The following FBXL13 variants were observed in gnomAD, a reference collection of about 807,000 sequenced individuals.
FBXL13 encodes the protein F-box and leucine-rich repeat protein 13.
Under a neutral mutation model 83.6 loss-of-function variants are expected in FBXL13, and 67 were observed. The observed-to-expected ratio is 0.80, with a 90% confidence interval of 0.66 to 0.98. The LOEUF (loss-of-function observed/expected upper bound fraction) is 0.98. Among genes scored for constraint, FBXL13 ranks in the 50% least tolerant of loss-of-function variants. The pLI, the probability that FBXL13 is intolerant of heterozygous loss-of-function variation, is 0.00. For missense variants in FBXL13, 822 were observed against 866.5 expected (o/e 0.95, Z 0.64); for synonymous variants, 272 against 299.5 (o/e 0.91, Z 0.95).
chr7:102,996,135 G>A (rs1789759261), intron 6 of FBXL13, among the ~76,000 whole-genome samples: 1 of 152,132 alleles, frequency 6.6e-6, no homozygotes, highest in South Asian at 2.1e-4. Context: ...CCTGAGCCTG[G>A]ACTTTTAATC....
intron 16 of FBXL13, among the ~76,000 whole-genome samples, chr7:102,856,078 G>A (rs1204102989): frequency 6.6e-6 from 1 of 152,082 alleles, no homozygotes; most frequent in Non-Finnish European, 1.5e-5. Context: ...TGTGCCATAA[G>A]TTTTTATTTG....
At chr7:102,967,266 CTTTCTT>C (rs1209162883) in intron 7 of FBXL13, among the ~76,000 whole-genome samples, 2 of 56,182 alleles carry the variant, frequency 3.6e-5, no homozygotes, top group African/African-American at 1.0e-4. Context: ...CCAATCCTCT[CTTTCTT>C]TTTTTTTTTT....
At chr7:102,973,701 G>A (rs1303573227) in intron 6 of FBXL13, 3 of 766,228 alleles carry the variant, frequency 3.9e-6, no homozygotes, top group Admixed American at 1.7e-5. Flanking sequence ...CACAGCAGCC[G>A]GACAAAGGAA....
intron 2 of FBXL13, among the ~76,000 whole-genome samples, chr7:103,030,854 C>G (rs796946379): frequency 6.6e-6 from 1 of 151,884 alleles, no homozygotes; most frequent in Non-Finnish European, 1.5e-5. Flanking sequence ...TTATAATACA[C>G]CAGAATTTTT....
Position 103,025,418 on chromosome 7 carries a change from C to T in FBXL13, c.328-188G>A, listed in dbSNP as rs527944017. ...TGTTCTCTAAACCACCGAAGTATTA[C>T]AGATCATTTCCATTAGTTGTCATAA... On this transcript the variant is annotated intron_variant, in intron 5 of 19. Transcript: ENST00000313221. Among the ~76,000 whole-genome samples, 529 of 152,282 alleles carry T rather than the reference C, an allele frequency of 3.5e-3. 5 individuals are homozygous for T. Among genetic ancestry groups the T allele is most frequent in the South Asian group, 0.017 (81 of 4,826 alleles).
chr7:102,935,242 C>CTTTTT (rs71106700), intron 8 of FBXL13, among the ~76,000 whole-genome samples: 18 of 76,404 alleles, frequency 2.4e-4, no homozygotes, highest in African/African-American at 8.1e-4. Context: ...TTTTTTCTTT[C>CTTTTT]TTTTTTTTTT....
At chr7:102,904,964 G>C (rs986649442) in intron 11 of FBXL13, among the ~76,000 whole-genome samples, 1 of 152,040 alleles carries the variant, frequency 6.6e-6, no homozygotes, top group Non-Finnish European at 1.5e-5. Flanking sequence ...TTCCATTGTA[G>C]TCAGAGAGGA....
chr7:103,011,765 C>T (rs12533076), intron 6 of FBXL13, among the ~76,000 whole-genome samples: 7,534 of 151,872 alleles, frequency 0.05, 279 homozygotes, highest in East Asian at 0.22. Flanking sequence ...AAAACTGGCT[C>T]TCCTAAATAA....
At chr7:102,944,485 A>T in intron 8 of FBXL13, 1 of 1,614,112 alleles carries the variant, frequency 6.2e-7, no homozygotes, top group Non-Finnish European at 8.5e-7. Context: ...AGAATGCCCC[A>T]AAGACAAGTT....
chr7:102,836,345 A>T (rs1043323517), intron 17 of FBXL13, among the ~76,000 whole-genome samples: 20 of 152,344 alleles, frequency 1.3e-4, no homozygotes, highest in Middle Eastern at 3.4e-3. Context: ...CCTCTCTTAG[A>T]ATTCGTGTTT....
chr7:102,931,633 T>A (rs1313249942), intron 9 of FBXL13, among the ~76,000 whole-genome samples: 1 of 152,172 alleles, frequency 6.6e-6, no homozygotes, highest in Non-Finnish European at 1.5e-5. Flanking sequence ...TAAATATAAA[T>A]ACAGTTCATT....
intron 9 of FBXL13, among the ~76,000 whole-genome samples, chr7:102,929,645 CAG>C (rs1350000983): frequency 9.1e-6 from 1 of 109,928 alleles, no homozygotes; most frequent in Non-Finnish European, 1.7e-5. Flanking sequence ...GCCTGGGCAA[CAG>C]AGTGAGACTC....
chr7:103,064,588 T>C (rs1321708322), intron 1 of FBXL13, among the ~76,000 whole-genome samples: 1 of 152,242 alleles, frequency 6.6e-6, no homozygotes, highest in Non-Finnish European at 1.5e-5. Context: ...TCCCCTTATA[T>C]GAACAAGCCA....
rs114680239 is a variant in FBXL13, at chr7:102,872,907, C to T, written c.1635+4560G>A. On this transcript the variant is annotated intron_variant, in intron 16 of 19. Transcript: ENST00000313221. ...CTAATATGTACTTGGTAGGTAACTT[C>T]CTAAACAACTTTTATTCATGGATGA... is the stretch of plus-strand genomic sequence containing the variant. Among the ~76,000 whole-genome samples, 1,182 of 152,272 alleles carry T rather than the reference C, an allele frequency of 7.8e-3. 19 individuals carry two copies. Among genetic ancestry groups the T allele is most frequent in the African/African-American group, 0.027 (1,141 of 41,550 alleles).
chr7:103,027,240 G>A (rs1008161576), intron 5 of FBXL13, among the ~76,000 whole-genome samples: 2 of 149,646 alleles, frequency 1.3e-5, no homozygotes, highest in Admixed American at 6.6e-5. Context: ...AGGTTGCAGT[G>A]AGCCGAGATC....
At chr7:103,033,058 T>C (rs1356578835) in intron 2 of FBXL13, among the ~76,000 whole-genome samples, 1 of 152,072 alleles carries the variant, frequency 6.6e-6, no homozygotes, top group Non-Finnish European at 1.5e-5. Flanking sequence ...TCTCTCTCTC[T>C]CCATCCCCCC....
At chr7:102,943,811 C>T (rs189328870) in intron 8 of FBXL13, among the ~76,000 whole-genome samples, 1 of 152,304 alleles carries the variant, frequency 6.6e-6, no homozygotes, top group African/African-American at 2.4e-5. Context: ...GAGTGACCAT[C>T]TGTGTTAGCT....
At chr7:102,942,440 T>G in intron 8 of FBXL13, 1 of 1,100,070 alleles carries the variant, frequency 9.1e-7, no homozygotes, top group Admixed American at 2.6e-5. Context: ...AGAAAGAAGA[T>G]ACCCTACTAG....
rs185559625 is a variant in FBXL13 at position 102,863,765 on chromosome 7, G to A, written c.1636-8905C>T. ...TGTCCAAAATGGAATTCAGTATCTT[G>A]TCTCCAAGCCCTAATTGCTCTCCTA... On this transcript the variant is annotated intron_variant, in intron 16 of 19. Transcript: ENST00000313221. Among the ~76,000 whole-genome samples, 13 of 152,240 alleles carry A rather than the reference G, an allele frequency of 8.5e-5. No individual in the cohort carries two copies. The East Asian group carries it at 1.9e-3, about 23-fold the overall frequency.
Sources: allele counts gnomAD v4.1 joint callset (sites outside exome capture counted in the v4.1 genomes callset), GRCh38; gene constraint gnomAD v4.1.1; transcripts MANE v1.5; gene names NCBI Gene and HGNC (gene_info 2026-07-23, HGNC 2026-07-21).